The following FRY variants were observed in gnomAD, a reference collection of about 807,000 sequenced individuals.
FRY encodes the protein FRY microtubule binding protein, also known as protein furry homolog.
Under a neutral mutation model 348.4 loss-of-function variants are expected in FRY, and 128 were observed. The ratio of observed to expected loss-of-function variants is 0.37; its 90% confidence interval spans 0.32 to 0.43. The LOEUF (loss-of-function observed/expected upper bound fraction) is 0.43, where lower values mean the gene tolerates loss of function less well. Among genes scored for constraint, FRY ranks in the 20% least tolerant of loss-of-function variants. The pLI, the probability that FRY is intolerant of heterozygous loss-of-function variation, is 1.00. For synonymous variants in FRY, 1,370 were observed against 1,374.7 expected, an observed-to-expected ratio of 1.00 and a Z score of 0.08; for missense variants, 2,736 against 3,695.2, an observed-to-expected ratio of 0.74 and a Z score of 6.73.
chr13:32,150,193 AGAG>A (rs1194320392), intron 14 of FRY, among the ~76,000 whole-genome samples: 1 of 152,246 alleles, frequency 6.6e-6, no homozygotes, highest in Non-Finnish European at 1.5e-5. Flanking sequence ...GTGATGAAAT[AGAG>A]AAGAACAAAT....
chr13:32,187,614 A>G lies in FRY; in HGVS notation c.3549A>G (p.Leu1183=), dbSNP rs751015691. 4.3e-6 allele frequency: 7 copies of G among 1,611,884 alleles called. No homozygotes were observed. The highest frequency in any genetic ancestry group is 5.9e-6 in the Non-Finnish European group (7 of 1,178,114). Residue 1183 remains leucine, a synonymous_variant, in exon 28 of 61, where the codon CTA becomes CTG. Transcript: ENST00000542859. ...TGGGCCTTTCCCCAGATGGCTACCT[A>G]TATAAATGGCTTGACAACATTCTGG... ...DNVGLSPDGY[L]YKWLDNILAC... is the part of the protein sequence containing the mutation.
intron 29 of FRY, among the ~76,000 whole-genome samples, chr13:32,197,377 G>A (rs1035927048): frequency 1.3e-5 from 2 of 152,192 alleles, no homozygotes; most frequent in African/African-American, 4.8e-5. Flanking sequence ...CAAAGCTTAT[G>A]ATTCATAAAT....
chr13:32,044,545 A>G, intron 1 of FRY, among the ~76,000 whole-genome samples: 1 of 152,212 alleles, frequency 6.6e-6, no homozygotes, highest in Admixed American at 6.5e-5. Context: ...TCAGTAAGTG[A>G]TGGTGCCCAG....
At chr13:32,047,588 G>C (rs115525583) in intron 1 of FRY, among the ~76,000 whole-genome samples, 2,190 of 148,296 alleles carry the variant, frequency 0.015, 58 homozygotes, top group African/African-American at 0.051. Flanking sequence ...TTTTGGGGGG[G>C]GTGCAGAGTT....
intron 33 of FRY, 33 bp from the exon 34 acceptor site, chr13:32,210,833 G>A: frequency 6.2e-7 from 1 of 1,600,940 alleles, no homozygotes. Context: ...TAGGCTCTGT[G>A]AAACATCCCT....
At position 32,224,926 on chromosome 13, in the gene FRY, T is replaced by C. The variant is rs1885502072; in HGVS notation, c.4917-7T>C. ...AGTTGCATTAATTTCATTATTTCAT[T>C]GATTAGGTGCAATATTGCTGTAATT... On this transcript the variant is annotated splice_region_variant and splice_polypyrimidine_tract_variant and intron_variant, in intron 37 of 60. Coordinates refer to ENST00000542859, the MANE Select transcript of FRY (RefSeq NM_023037.3). The C allele has an allele frequency of 1.3e-6, 2 of 1,526,184 alleles. No homozygotes were observed. The highest frequency in any genetic ancestry group is 4.5e-5 in the East Asian group (2 of 44,464). The allele number at this position is 1,526,184 out of a possible 1,614,324, so 94.5% of individuals were successfully genotyped here.
intron 16 of FRY, 135 bp downstream of exon 16, chr13:32,157,540 C>A (rs1881187591): frequency 7.5e-6 from 5 of 662,910 alleles, no homozygotes; most frequent in Admixed American, 3.0e-5. Context: ...TAAAAAAAAA[C>A]CTTCACAGTA....
chr13:32,295,548 G>A lies in FRY; in HGVS notation c.*88G>A, dbSNP rs2072047735. On this transcript the variant is annotated 3_prime_UTR_variant, in exon 61 of 61. Transcript: ENST00000542859. ...TTCAGTGTCTTCTCGGCCTTCAAAA[G>A]GCTTGGACAGACTGTTCTCCCTCTT... 1 of 1,266,880 alleles carries A rather than the reference G, an allele frequency of 7.9e-7. No homozygotes were observed. Among genetic ancestry groups the A allele is most frequent in the Non-Finnish European group, 1.1e-6 (1 of 877,368 alleles). 78.5% of individuals were successfully genotyped at this position (1,266,880 alleles called of 1,614,324 possible). A position where few individuals can be genotyped will look rare whatever the true frequency, so the allele number is the denominator to read the frequency against.
rs188241495 is a variant in FRY, at chr13:32,283,123, A to T, written c.8469+4575A>T. Among the ~76,000 whole-genome samples, 162 of 151,752 alleles carry T rather than the reference A, an allele frequency of 1.1e-3. 1 individual carries two copies. The highest frequency in any genetic ancestry group is 3.6e-3 in the African/African-American group (149 of 41,280). ...ACCATTGCACTCCAGCCTGGGTGAC[A>T]GAGCAAGACTCCATCTCAAAAAAAA... On this transcript the variant is annotated intron_variant, in intron 58 of 60. Transcript: ENST00000542859.
chr13:32,175,460 TC>T, intron 19 of FRY, 85 bp from the exon 20 acceptor site: 1 of 840,662 alleles, frequency 1.2e-6, no homozygotes. Context: ...CACAAGCTGT[TC>T]TGCTTCATGT....
rs141544105 is a variant in FRY, at chr13:32,292,279, G to A, written c.8581-2089G>A. Among the ~76,000 whole-genome samples, 378 of 150,964 alleles carry A rather than the reference G, an allele frequency of 2.5e-3. 1 individual carries two copies. Among genetic ancestry groups the A allele is most frequent in the African/African-American group, 8.8e-3 (364 of 41,214 alleles). On this transcript the variant is annotated intron_variant, in intron 59 of 60. Coordinates refer to ENST00000542859, the MANE Select transcript of FRY (RefSeq NM_023037.3). ...ATTACAGGCATGAACCACCACACCC[G>A]GCCCAAACAAAGTTTCTTTAGGTGA...
intron 3 of FRY, among the ~76,000 whole-genome samples, chr13:32,107,140 C>A (rs561781903): frequency 5.9e-5 from 9 of 152,084 alleles, no homozygotes; most frequent in African/African-American, 2.2e-4. Context: ...GTGGATCACC[C>A]GAGCTCAAGA....
chr13:32,146,904 A>AAGG (rs1175298138), intron 11 of FRY, among the ~76,000 whole-genome samples: 1 of 152,162 alleles, frequency 6.6e-6, no homozygotes, highest in Non-Finnish European at 1.5e-5. Flanking sequence ...GGAGAATCAA[A>AAGG]ACAGTAAGGA....
At chr13:32,068,119 A>C (rs1593577468) in intron 1 of FRY, among the ~76,000 whole-genome samples, 1 of 152,298 alleles carries the variant, frequency 6.6e-6, no homozygotes, top group African/African-American at 2.4e-5. Flanking sequence ...CAGTAATTCA[A>C]ATTGTAAGTC....
intron 14 of FRY, among the ~76,000 whole-genome samples, chr13:32,151,524 A>G (rs146726676): frequency 0.012 from 1,859 of 152,372 alleles, 14 homozygotes; most frequent in Non-Finnish European, 0.019. Context: ...TCGGGAAACA[A>G]GTTCAGATTG....
chr13:32,077,373 A>G (rs1360670970), intron 1 of FRY, among the ~76,000 whole-genome samples: 1 of 152,222 alleles, frequency 6.6e-6, no homozygotes, highest in Non-Finnish European at 1.5e-5. Context: ...ATAGGTCTCC[A>G]AGGGCTTGGA....
chr13:32,100,495 C>A (rs930349978), intron 2 of FRY, among the ~76,000 whole-genome samples: 3 of 151,008 alleles, frequency 2.0e-5, no homozygotes, highest in Non-Finnish European at 4.4e-5. Context: ...GCATCAGATT[C>A]TTTTTATAAA....
chr13:32,046,805 C>T (rs972913328), intron 1 of FRY, among the ~76,000 whole-genome samples: 1 of 152,070 alleles, frequency 6.6e-6, no homozygotes, highest in Non-Finnish European at 1.5e-5. Flanking sequence ...TTAAATTTTT[C>T]TGCCTTTTTG....
chr13:32,173,357 T>C lies in FRY; in HGVS notation c.2152-10T>C. On this transcript the variant is annotated splice_polypyrimidine_tract_variant and intron_variant, in intron 18 of 60. Transcript: ENST00000542859. ...GCTGAATACAGAATGTTGTTCTTATTGCATAACAGCTCATCGCAAATGGCT... is the reference window on the plus strand; with the variant it reads ...GCTGAATACAGAATGTTGTTCTTATCGCATAACAGCTCATCGCAAATGGCT... 6.2e-7 allele frequency: 1 copy of C among 1,606,106 alleles called. No homozygotes were observed. Among genetic ancestry groups the C allele is most frequent in the Non-Finnish European group, 8.5e-7 (1 of 1,174,328 alleles).
Sources: allele counts gnomAD v4.1 joint callset (sites outside exome capture counted in the v4.1 genomes callset), GRCh38; gene constraint gnomAD v4.1.1; transcripts MANE v1.5; gene names NCBI Gene and HGNC (gene_info 2026-07-23, HGNC 2026-07-21).